Variants in COBL observed in about 807,000 individuals in gnomAD.
The protein encoded by COBL is cordon-bleu WH2 repeat protein.
Under a neutral mutation model 98.8 loss-of-function variants are expected in COBL, and 51 were observed. The ratio of observed to expected loss-of-function variants is 0.52; its 90% CI spans 0.41 to 0.65. The LOEUF (loss-of-function observed/expected upper bound fraction) is 0.65, where lower values mean the gene tolerates loss of function less well. Ranked by LOEUF, COBL falls within the 30% of genes least tolerant of loss-of-function variation. The pLI is 0.00. For missense variants in COBL, 1,617 were observed against 1,617.5 expected, an observed-to-expected ratio of 1.00 and a Z score of 0.01; for synonymous variants, 634 against 651.7, an observed-to-expected ratio of 0.97 and a Z score of 0.41.
chr7:51,088,799 C>T lies in COBL; in HGVS notation c.958-3495G>A, dbSNP rs544917381. Among the ~76,000 whole-genome samples, 11 of 152,298 alleles carry T rather than the reference C, an allele frequency of 7.2e-5. No homozygotes were observed. The East Asian group carries it at 1.5e-3, about 21-fold the overall frequency. The stretch of plus-strand genomic sequence containing the variant: ...ATACCTGCAGGATTGTCTGCTAGCT[C>T]GGCCATCTTCTGCACAGGGGAAGCC... On this transcript the variant is annotated intron_variant, in intron 6 of 12. Transcript: ENST00000265136.
At chr7:51,255,832 C>T (rs959771543) in intron 1 of COBL, among the ~76,000 whole-genome samples, 1 of 152,106 alleles carries the variant, frequency 6.6e-6, no homozygotes, top group African/African-American at 2.4e-5. Flanking sequence ...TGAATGTTGC[C>T]CCACCTGATG....
intron 2 of COBL, 41 bp downstream of exon 2, chr7:51,219,700 A>G: frequency 6.3e-7 from 1 of 1,587,220 alleles, no homozygotes; most frequent in Middle Eastern, 1.7e-4. Flanking sequence ...CTATACTCGC[A>G]AAGTGAGTAC....
chr7:51,051,154 A>G (rs981249367), intron 7 of COBL, among the ~76,000 whole-genome samples: 8 of 152,178 alleles, frequency 5.3e-5, no homozygotes, highest in African/African-American at 1.9e-4. Context: ...GCTAAACCAA[A>G]GGAAGATTCA....
At chr7:51,019,534 G>A in intron 12 of COBL, among the ~76,000 whole-genome samples, 1 of 152,206 alleles carries the variant, frequency 6.6e-6, no homozygotes, top group Admixed American at 6.5e-5. Flanking sequence ...TCAGGAATGA[G>A]CTGGTCAAAT....
chr7:51,182,738 A>G (rs899613175), intron 5 of COBL, among the ~76,000 whole-genome samples: 1 of 152,206 alleles, frequency 6.6e-6, no homozygotes, highest in African/African-American at 2.4e-5. Context: ...TTACATAGAC[A>G]TGCATGGAGT....
intron 6 of COBL, among the ~76,000 whole-genome samples, chr7:51,088,367 TTG>T (rs1562894973): frequency 6.6e-6 from 1 of 151,818 alleles, no homozygotes; most frequent in Admixed American, 6.6e-5. Context: ...ATTTTCTCCA[TTG>T]TAAGACTCAT....
chr7:51,233,640 C>T (rs576465194), intron 1 of COBL, among the ~76,000 whole-genome samples: 1 of 152,148 alleles, frequency 6.6e-6, no homozygotes, highest in Non-Finnish European at 1.5e-5. Context: ...CTGACTAGCC[C>T]GCTCTCCACA....
At position 51,133,528 on chromosome 7, in the gene COBL, T is replaced by C. The variant is rs367771019; in HGVS notation, c.957+2630A>G. Among the ~76,000 whole-genome samples the C allele has an allele frequency of 1.3e-3, 204 of 152,320 alleles. 3 individuals are homozygous for C. The South Asian group carries it at 0.037, about 27-fold the overall frequency. ...ATGTTCAGGCCCCATCCAGACCTACTGAATCAGCGCTCAGGTGGGGCCCAG... is the reference window on the plus strand; with the variant it reads ...ATGTTCAGGCCCCATCCAGACCTACCGAATCAGCGCTCAGGTGGGGCCCAG... On this transcript the variant is annotated intron_variant, in intron 6 of 12. Transcript: ENST00000265136.
chr7:51,038,141 A>G (rs891212072), intron 8 of COBL, among the ~76,000 whole-genome samples: 1 of 152,150 alleles, frequency 6.6e-6, no homozygotes, highest in South Asian at 2.1e-4. Context: ...CGTGAGCCCA[A>G]CGTGTAACAT....
intron 2 of COBL, among the ~76,000 whole-genome samples, chr7:51,208,059 G>A (rs1445086060): frequency 6.6e-6 from 1 of 151,268 alleles, no homozygotes; most frequent in Non-Finnish European, 1.5e-5. Context: ...TGTCTGAGAT[G>A]TGGGGAGCGC....
chr7:51,271,768 AC>A (rs1227962951), intron 1 of COBL, among the ~76,000 whole-genome samples: 1 of 152,220 alleles, frequency 6.6e-6, no homozygotes, highest in Non-Finnish European at 1.5e-5. Flanking sequence ...AGTGGCTCAC[AC>A]CTGTAATCCC....
At chr7:51,189,725 A>T (rs1375609274) in intron 4 of COBL, among the ~76,000 whole-genome samples, 3 of 152,248 alleles carry the variant, frequency 2.0e-5, no homozygotes, top group Admixed American at 1.3e-4. Flanking sequence ...GAATATGTAT[A>T]TATTTTTTAA....
At chr7:51,236,572 C>G (rs1171433829) in intron 1 of COBL, among the ~76,000 whole-genome samples, 1 of 152,118 alleles carries the variant, frequency 6.6e-6, no homozygotes, top group African/African-American at 2.4e-5. Context: ...CAGCCAGAAC[C>G]AAACTCAAAG....
At position 51,316,779 on chromosome 7, in the gene COBL, G is replaced by T; in HGVS notation, c.-146C>A. 1.7e-6 allele frequency: 1 copy of T among 590,680 alleles called. No homozygotes were observed. The highest frequency in any genetic ancestry group is 2.4e-6 in the Non-Finnish European group (1 of 416,082). The allele number at this position is 590,680 out of a possible 1,614,324, so 36.6% of individuals were successfully genotyped here. A position where few individuals can be genotyped will look rare whatever the true frequency, so the allele number is the denominator to read the frequency against. On this transcript the variant is annotated 5_prime_UTR_variant, in exon 1 of 13. Transcript: ENST00000265136. Reference sequence around the variant, plus strand: ...GGCCGGCGGAGGACAGCGGCGGAGCGCGGCGGACGGAAGGGGCTGGAATCG... The same window carrying T: ...GGCCGGCGGAGGACAGCGGCGGAGCTCGGCGGACGGAAGGGGCTGGAATCG...
chr7:51,021,010 C>T (rs2128860288), intron 12 of COBL: 1 of 152,310 alleles, frequency 6.6e-6, no homozygotes, highest in Middle Eastern at 3.4e-3. Flanking sequence ...GCGACTGTCC[C>T]AGAAAACCTT....
intron 1 of COBL, chr7:51,260,262 T>A: frequency 2.0e-6 from 1 of 491,350 alleles, no homozygotes; most frequent in Non-Finnish European, 3.6e-6. Flanking sequence ...TTTAAAGACC[T>A]AAAATAAATT....
chr7:51,303,126 AGT>A lies in COBL; in HGVS notation c.41+13465_41+13466del, dbSNP rs1802137520. 3.3e-5 allele frequency among the ~76,000 whole-genome samples: 5 copies of A among 152,356 alleles called. No individual in the cohort carries two copies. The East Asian group carries it at 9.6e-4, about 29-fold the overall frequency. Reference sequence around the variant, plus strand: ...AATGTTTCCCCGAGCCTCATGACAAAGTTAACACAATAGATCATACTTTCAGA... The same window carrying A: ...AATGTTTCCCCGAGCCTCATGACAAATAACACAATAGATCATACTTTCAGA... On this transcript the variant is annotated intron_variant, in intron 1 of 12. Coordinates refer to ENST00000265136, the MANE Select transcript of COBL (RefSeq NM_015198.5).
At chr7:51,309,156 C>A (rs1183555284) in intron 1 of COBL, among the ~76,000 whole-genome samples, 2 of 152,098 alleles carry the variant, frequency 1.3e-5, no homozygotes, top group Non-Finnish European at 2.9e-5. Context: ...GATCTCTGAT[C>A]CCCCCTGCCT....
At chr7:51,247,686 T>A (rs529979887) in intron 1 of COBL, among the ~76,000 whole-genome samples, 1 of 152,266 alleles carries the variant, frequency 6.6e-6, no homozygotes, top group Non-Finnish European at 1.5e-5. Context: ...CTTTAGAAGG[T>A]CTGCATCACT....
Sources: gnomAD v4.1 joint callset for allele counts (sites outside exome capture counted in the v4.1 genomes callset) on GRCh38, gnomAD v4.1.1 for gene constraint, MANE v1.5 for transcripts, NCBI Gene and HGNC (gene_info 2026-07-23, HGNC 2026-07-21) for gene names.